Variants in VNN1 observed in about 807,000 individuals in gnomAD.
VNN1 encodes the protein pantetheinase.
A neutral mutation model predicts 41.9 loss-of-function variants in VNN1; 29 were observed. That is an observed-to-expected ratio of 0.69 (90% confidence interval 0.52 to 0.94). The LOEUF (loss-of-function observed/expected upper bound fraction) is 0.94. Among genes scored for constraint, VNN1 ranks in the 40% least tolerant of loss-of-function variants. The pLI is 0.00. For missense variants in VNN1, 637 were observed against 621.1 expected, an observed-to-expected ratio of 1.03 and a Z score of -0.27; for synonymous variants, 233 against 224.4, an observed-to-expected ratio of 1.04 and a Z score of -0.34.
chr6:132,691,605 C>T (rs1156392684), intron 5 of VNN1, among the ~76,000 whole-genome samples: 2 of 152,072 alleles, frequency 1.3e-5, no homozygotes, highest in East Asian at 3.8e-4. Context: ...TTATAATGAT[C>T]TGTAATTTGA....
At chr6:132,700,138 C>A (rs538385258) in intron 2 of VNN1, among the ~76,000 whole-genome samples, 1 of 151,770 alleles carries the variant, frequency 6.6e-6, no homozygotes, top group East Asian at 1.9e-4. Context: ...GAATATTGTA[C>A]CTAAAGAAAA....
At chr6:132,692,166 A>G (rs900071111) in intron 5 of VNN1, 57 bp downstream of exon 5, 4 of 1,489,750 alleles carry the variant, frequency 2.7e-6, no homozygotes, top group African/African-American at 2.8e-5. Flanking sequence ...TCTAAACTGT[A>G]TATTTAACTG....
At chr6:132,707,378 G>A (rs1778534391) in intron 2 of VNN1, among the ~76,000 whole-genome samples, 1 of 152,156 alleles carries the variant, frequency 6.6e-6, no homozygotes, top group South Asian at 2.1e-4. Flanking sequence ...GTAGAGAACA[G>A]TTTGAAGGTT....
chr6:132,691,049 A>G (rs541287729), intron 5 of VNN1, among the ~76,000 whole-genome samples: 1 of 152,348 alleles, frequency 6.6e-6, no homozygotes, highest in East Asian at 1.9e-4. Context: ...GGTTCTGCAT[A>G]TGCTAGCAAA....
At chr6:132,708,680 T>C (rs986403863) in intron 2 of VNN1, among the ~76,000 whole-genome samples, 1 of 152,192 alleles carries the variant, frequency 6.6e-6, no homozygotes, top group Non-Finnish European at 1.5e-5. Flanking sequence ...TCAAACTTTA[T>C]TCGGAATCTG....
At chr6:132,707,622 C>G (rs1778538201) in intron 2 of VNN1, among the ~76,000 whole-genome samples, 1 of 152,140 alleles carries the variant, frequency 6.6e-6, no homozygotes, top group South Asian at 2.1e-4. Context: ...ATGAATGGAA[C>G]TGGAGATCAT....
chr6:132,693,223 G>A lies in VNN1; in HGVS notation c.627C>T (p.Phe209=). The A allele has an allele frequency of 6.2e-7, 1 of 1,614,078 alleles. No homozygotes were observed. The highest frequency in any genetic ancestry group is 8.5e-7 in the Non-Finnish European group (1 of 1,179,982). The change falls in exon 4 of 7, where the codon TTC becomes TTT. Residue 209 remains phenylalanine (F), a synonymous_variant. Transcript: ENST00000367928. ...FNTTFGSFGI[F]TCFDILFHDP... is the part of the protein sequence containing the mutation. ...CATGGAAGAGTATATCAAAGCATGT[G>A]AAAATGCCAAAACTTCCAAAGGTGG...
intron 2 of VNN1, among the ~76,000 whole-genome samples, chr6:132,704,395 A>T (rs1778489911): frequency 6.6e-6 from 1 of 152,186 alleles, no homozygotes; most frequent in Non-Finnish European, 1.5e-5. Context: ...ACTAGAAATC[A>T]ATAGCAAAGG....
At chr6:132,685,086 C>G (rs954009619) in intron 5 of VNN1, among the ~76,000 whole-genome samples, 1 of 152,208 alleles carries the variant, frequency 6.6e-6, no homozygotes, top group Non-Finnish European at 1.5e-5. Context: ...AATAAAAGAG[C>G]TTCAGAGTTG....
rs544258985 is a variant in VNN1 at position 132,689,075 on chromosome 6, G to A, written c.1188+3148C>T. Among the ~76,000 whole-genome samples the A allele has an allele frequency of 3.3e-4, 50 of 152,202 alleles. No individual in the cohort carries two copies. In the South Asian group the frequency reaches 0.01, roughly 32 times the overall value. ...GGCTAATTTTTGTATTTTTAGTAGA[G>A]ACAGGTTTCACCATGTTGGACAGGG... On this transcript the variant is annotated intron_variant, in intron 5 of 6. Transcript: ENST00000367928.
chr6:132,686,349 G>A (rs1348207132), intron 5 of VNN1, among the ~76,000 whole-genome samples: 1 of 152,164 alleles, frequency 6.6e-6, no homozygotes, highest in Non-Finnish European at 1.5e-5. Context: ...TCGGGAGGCT[G>A]AGGCAGGAGA....
rs556315586 is a variant in VNN1, at chr6:132,685,636, G to A, written c.1189-1131C>T. On this transcript the variant is annotated intron_variant, in intron 5 of 6. Coordinates refer to ENST00000367928, the MANE Select transcript of VNN1 (RefSeq NM_004666.3). ...AAGAAAACCAGGTCCTAAACTAGCA[G>A]TAGAAAGAGCCAAGAATCCCTATCT... 3.3e-5 allele frequency among the ~76,000 whole-genome samples: 5 copies of A among 152,068 alleles called. No homozygotes were observed. The East Asian group carries it at 7.7e-4, about 24-fold the overall frequency.
intron 2 of VNN1, among the ~76,000 whole-genome samples, chr6:132,707,286 C>T (rs1778533305): frequency 1.3e-5 from 2 of 150,356 alleles, no homozygotes; most frequent in Non-Finnish European, 3.0e-5. Flanking sequence ...GTTAAAATGA[C>T]TTATAACAAA....
At chr6:132,692,655 A>G in intron 4 of VNN1, 71 bp from the exon 5 acceptor site, 9 of 1,485,142 alleles carry the variant, frequency 6.1e-6, no homozygotes, top group Non-Finnish European at 8.0e-6. Context: ...TGTTATTACT[A>G]TTTTAACCTC....
chr6:132,707,135 A>G (rs1020046881), intron 2 of VNN1, among the ~76,000 whole-genome samples: 10 of 151,572 alleles, frequency 6.6e-5, no homozygotes, highest in Non-Finnish European at 1.5e-4. Context: ...CTGAGGCAGG[A>G]GAATTGCTTG....
At chr6:132,687,866 A>G (rs1430140864) in intron 5 of VNN1, among the ~76,000 whole-genome samples, 1 of 152,220 alleles carries the variant, frequency 6.6e-6, no homozygotes, top group Non-Finnish European at 1.5e-5. Flanking sequence ...TAATAACTTT[A>G]GGAAAAACAA....
In VNN1 at chr6:132,683,297, C is replaced by T. The variant is rs201183118; in HGVS notation, c.1385G>A (p.Ser462Asn). Residue 462 changes from serine to asparagine, a missense_variant, in exon 7 of 7, where the codon AGT (serine) becomes AAT (asparagine). By Grantham distance (46) the Ser-to-Asn change is conservative. Coordinates refer to ENST00000367928, the MANE Select transcript of VNN1 (RefSeq NM_004666.3). ...FQVSTDGRLF[S>N]LKPTSGPVLT... ...GACAGGTCCGGATGTTGGCTTCAGA[C>T]TAAACAAGCGTCCGTCAGTTGACAC... The T allele has an allele frequency of 1.2e-5, 20 of 1,613,690 alleles. No homozygotes were observed. The East Asian group carries it at 4.5e-4, about 36-fold the overall frequency.
chr6:132,697,759 T>C (rs1283333447), intron 2 of VNN1, among the ~76,000 whole-genome samples: 1 of 152,070 alleles, frequency 6.6e-6, no homozygotes, highest in African/African-American at 2.4e-5. Flanking sequence ...AAGGATATAA[T>C]AATACATATA....
At chr6:132,707,358 TAC>T (rs1483378458) in intron 2 of VNN1, among the ~76,000 whole-genome samples, 1 of 152,122 alleles carries the variant, frequency 6.6e-6, no homozygotes, top group African/African-American at 2.4e-5. Context: ...TGCAAATTAG[TAC>T]AGTCACTGTA....
Sources: allele counts gnomAD v4.1 joint callset (sites outside exome capture counted in the v4.1 genomes callset), GRCh38; gene constraint gnomAD v4.1.1; transcripts MANE v1.5; gene names NCBI Gene and HGNC (gene_info 2026-07-23, HGNC 2026-07-21).